PPFIA3: variants seen among roughly 807,000 people sequenced by gnomAD.
PPFIA3 encodes liprin-alpha-3.
PPFIA3 carries 26 observed loss-of-function variants against 145.8 expected under a neutral mutation model. The ratio of observed to expected loss-of-function variants is 0.18; its 90% CI spans 0.13 to 0.25. The LOEUF is 0.25. PPFIA3 is among the 10% of genes least tolerant of loss of function. The pLI is 1.00. For missense variants in PPFIA3, 1,008 were observed against 1,587.8 expected, an observed-to-expected ratio of 0.63 and a Z score of 6.21; for synonymous variants, 645 against 661.4, an observed-to-expected ratio of 0.98 and a Z score of 0.38.
chr19:49,125,879 T>C (rs1022022492), intron 1 of PPFIA3, among the ~76,000 whole-genome samples: 5 of 151,000 alleles, frequency 3.3e-5, no homozygotes, highest in African/African-American at 1.2e-4. Flanking sequence ...TTCTGGGTCG[T>C]GAAGAGGGTG....
At chr19:49,145,631 T>C in intron 21 of PPFIA3, 1 of 409,120 alleles carries the variant, frequency 2.4e-6, no homozygotes. Context: ...GCTGTGTCTG[T>C]CCCCCACTTC....
chr19:49,120,322 C>T lies in PPFIA3; in HGVS notation c.-16+600C>T, dbSNP rs1234387234. Reference sequence around the variant, plus strand: ...GACCCGGGAATACCCGGGCCCTCCCCGACCAGGGCGCCCCAGCCTCTGGGT... The same window carrying T: ...GACCCGGGAATACCCGGGCCCTCCCTGACCAGGGCGCCCCAGCCTCTGGGT... On this transcript the variant is annotated intron_variant, in intron 1 of 29. Transcript: ENST00000334186. This position sits in a 1 kb window ranked among gnomAD's most constrained non-coding sequence, Gnocchi z 4.6. 6.6e-6 allele frequency among the ~76,000 whole-genome samples: 1 copy of T among 152,154 alleles called. No individual in the cohort carries two copies. Among genetic ancestry groups the T allele is most frequent in the African/African-American group, 2.4e-5 (1 of 41,432 alleles).
intron 1 of PPFIA3, among the ~76,000 whole-genome samples, 160 bp from the exon 2 acceptor site, chr19:49,127,699 C>A (rs2122542307): frequency 6.6e-6 from 1 of 152,300 alleles, no homozygotes; most frequent in East Asian, 1.9e-4. Context: ...GTGCCTGTTT[C>A]CCTGTGTCAT....
chr19:49,139,323 C>T (rs374599801), intron 16 of PPFIA3, among the ~76,000 whole-genome samples: 1 of 111,940 alleles, frequency 8.9e-6, no homozygotes, highest in Admixed American at 9.3e-5. Context: ...GACTCTGTCT[C>T]AAAAAAAAAA....
At position 49,128,658 on chromosome 19, in the gene PPFIA3, C is replaced by T; in HGVS notation, c.342+190C>T. The T allele has an allele frequency of 2.7e-6, 2 of 750,184 alleles. No individual in the cohort carries two copies. Among genetic ancestry groups the T allele is most frequent in the South Asian group, 3.7e-5 (2 of 54,022 alleles). 46.5% of individuals were successfully genotyped at this position (750,184 alleles called of 1,614,324 possible). On this transcript the variant is annotated intron_variant, in intron 3 of 29. Transcript: ENST00000334186. The surrounding 1 kb of genome is among the most constrained non-coding windows in gnomAD (Gnocchi z 4.1). ...GGTGCCACTCCTTCCTCCCTGTCTCCATAACTTTTCTCTTTTCTGTACCAC... is the reference window on the plus strand; with the variant it reads ...GGTGCCACTCCTTCCTCCCTGTCTCTATAACTTTTCTCTTTTCTGTACCAC...
chr19:49,144,994 G>A (rs1339107845), intron 21 of PPFIA3, among the ~76,000 whole-genome samples: 4 of 148,888 alleles, frequency 2.7e-5, no homozygotes, highest in East Asian at 2.0e-4. Flanking sequence ...GCAGTGGTGC[G>A]ATCTTGGCTC....
intron 20 of PPFIA3, 73 bp downstream of exon 20, chr19:49,142,188 G>GGAGGACCAGGCA: frequency 7.2e-7 from 1 of 1,392,792 alleles, no homozygotes; most frequent in Non-Finnish European, 9.9e-7. Flanking sequence ...GGGGCTGCCT[G>GGAGGACCAGGCA]GTCCTCCTGG....
At position 49,120,040 on chromosome 19, in the gene PPFIA3, C is replaced by A. The variant is rs953966264; in HGVS notation, c.-16+318C>A. 6.6e-6 allele frequency among the ~76,000 whole-genome samples: 1 copy of A among 152,054 alleles called. No homozygotes were observed. The highest frequency in any genetic ancestry group is 1.5e-5 in the Non-Finnish European group (1 of 67,972). On this transcript the variant is annotated intron_variant, in intron 1 of 29. Coordinates refer to ENST00000334186, the MANE Select transcript of PPFIA3 (RefSeq NM_003660.4). The surrounding 1 kb of genome is among the most constrained non-coding windows in gnomAD (Gnocchi z 4.6). ...CCCTGTCCTGGGAGCTCCAGACACC[C>A]GCCGCGGCGGTGCCAGACTCCCCAG...
In PPFIA3 at chr19:49,128,783, CT is replaced by C; in HGVS notation, c.343-60del. 1 of 1,448,642 alleles carries C rather than the reference CT, an allele frequency of 6.9e-7. No homozygotes were observed. The allele number at this position is 1,448,642 out of a possible 1,614,324, so 89.7% of individuals were successfully genotyped here. The stretch of plus-strand genomic sequence containing the variant: ...CCATGTGTCCGCCCTACCTGTCACC[CT>C]TTTTCTCACATCTGCCCCTTTTCCC... On this transcript the variant is annotated intron_variant, in intron 3 of 29. Transcript: ENST00000334186. The surrounding 1 kb of genome is among the most constrained non-coding windows in gnomAD (Gnocchi z 4.1).
At position 49,146,195 on chromosome 19, in the gene PPFIA3, A is replaced by G; in HGVS notation, c.2835+3A>G. 6.2e-7 allele frequency: 1 copy of G among 1,613,846 alleles called. No homozygotes were observed. The highest frequency in any genetic ancestry group is 8.5e-7 in the Non-Finnish European group (1 of 1,179,918). On this transcript the variant is annotated splice_donor_region_variant and intron_variant, in intron 23 of 29. Coordinates refer to ENST00000334186, the MANE Select transcript of PPFIA3 (RefSeq NM_003660.4). Reference sequence around the variant, plus strand: ...CCAAGGAGATCAGCTGGGAGCAGGTAGGGGGCGCGGGGCGGGGCGTGAGCG... The same window carrying G: ...CCAAGGAGATCAGCTGGGAGCAGGTGGGGGGCGCGGGGCGGGGCGTGAGCG...
intron 21 of PPFIA3, among the ~76,000 whole-genome samples, chr19:49,143,665 G>A (rs1156535602): frequency 6.6e-6 from 1 of 152,278 alleles, no homozygotes; most frequent in East Asian, 1.9e-4. Flanking sequence ...GAGCCCCTAC[G>A]CCTGGCCCTC....
rs2041086801 is a variant in PPFIA3, at chr19:49,132,419, AAG to A, written c.880-580_880-579del. On this transcript the variant is annotated intron_variant, in intron 7 of 29. Transcript: ENST00000334186. Reference sequence around the variant, plus strand: ...AAAAAAAAAAAAAAAAAAAAAAAAAAAGAAAGAGAGAGAGAGAACCTTCATCT... The same window carrying A: ...AAAAAAAAAAAAAAAAAAAAAAAAAAAAAGAGAGAGAGAGAACCTTCATCT... 4.0e-5 allele frequency among the ~76,000 whole-genome samples: 6 copies of A among 149,852 alleles called. No homozygotes were observed. In the South Asian group the frequency reaches 6.3e-4, roughly 16 times the overall value.
At position 49,136,733 on chromosome 19, in the gene PPFIA3, C is replaced by A. The variant is rs777959324; in HGVS notation, c.1675C>A (p.Arg559=). The change falls in exon 15 of 30, where the codon CGG becomes AGG. Residue 559 remains arginine (R), a synonymous_variant. Transcript: ENST00000334186. The part of the protein sequence containing the change: ...VKEEPSKDWE[R]SAPAGSIPPP... ...CCCCACACAGGGATAGGATTGGGAG[C>A]GGTCTGCCCCTGCGGGCTCCATACC... The A allele has an allele frequency of 1.3e-6, 2 of 1,515,768 alleles. No homozygotes were observed. The highest frequency in any genetic ancestry group is 1.8e-6 in the Non-Finnish European group (2 of 1,123,550). 93.9% of individuals were successfully genotyped at this position (1,515,768 alleles called of 1,614,324 possible).
chr19:49,139,761 C>G lies in PPFIA3; in HGVS notation c.2170C>G (p.Leu724Val). The stretch of plus-strand genomic sequence containing the variant: ...ACCACCCACTCCCCGCTCTGCCCGT[C>G]TTGAGAGAATGACCCAGGCCTTGGC... ...TPPPTPRSAR[L>V]ERMTQALALQ... The change falls in exon 17 of 30, where the codon CTT becomes GTT. Residue 724 changes from leucine to valine, a missense_variant. Transcript: ENST00000334186. 6.2e-7 allele frequency: 1 copy of G among 1,614,036 alleles called. No homozygotes were observed. Among genetic ancestry groups the G allele is most frequent in the African/African-American group, 1.3e-5 (1 of 75,034 alleles).
chr19:49,138,529 T>G, intron 16 of PPFIA3, 102 bp downstream of exon 16: 6 of 1,024,020 alleles, frequency 5.9e-6, no homozygotes, highest in Non-Finnish European at 7.9e-6. Context: ...ACCAGTGGTT[T>G]TCCAAAGCAA....
In PPFIA3 at chr19:49,148,528, A is replaced by C. The variant is rs1600354622; in HGVS notation, c.3012-138A>C. ...ATTATTGAAAATGCCTCACCTCCTGAGGGGGTCAACAGTCAATAGAACTTA... is the reference window on the plus strand; with the variant it reads ...ATTATTGAAAATGCCTCACCTCCTGCGGGGGTCAACAGTCAATAGAACTTA... On this transcript the variant is annotated intron_variant, in intron 24 of 29. Transcript: ENST00000334186. The C allele has an allele frequency of 5.1e-6, 4 of 782,740 alleles. No homozygotes were observed. In the South Asian group the frequency reaches 6.9e-5, roughly 13 times the overall value. The allele number at this position is 782,740 out of a possible 1,614,324, so 48.5% of individuals were successfully genotyped here. A position where few individuals can be genotyped will look rare whatever the true frequency, so the allele number is the denominator to read the frequency against.
intron 20 of PPFIA3, 48 bp from the exon 21 acceptor site, chr19:49,142,753 TCTC>T (rs763789061): frequency 6.4e-6 from 10 of 1,559,678 alleles, no homozygotes; most frequent in East Asian, 2.3e-5. Context: ...TCTCCGATTT[TCTC>T]CTCCTCTGTC....
intron 21 of PPFIA3, among the ~76,000 whole-genome samples, chr19:49,145,208 C>T (rs1427061784): frequency 1.3e-5 from 2 of 151,904 alleles, no homozygotes; most frequent in Non-Finnish European, 2.9e-5. Flanking sequence ...CTAGACCACT[C>T]TCAGCCTAAT....
Position 49,130,491 on chromosome 19 carries a change from G to A in PPFIA3, c.771G>A (p.Ala257=), listed in dbSNP as rs1412750630. The A allele has an allele frequency of 1.2e-6, 2 of 1,601,190 alleles. No homozygotes were observed. Among genetic ancestry groups the A allele is most frequent in the East Asian group, 2.3e-5 (1 of 44,420 alleles). ...AEVCQLRERL[A]VLCRQMSQLE... is the part of the protein sequence containing the mutation. Reference sequence around the variant, plus strand: ...TGTGCCAGCTGCGGGAGCGCCTGGCGGTGCTGTGCCGTCAGATGAGCCAGC... The same window carrying A: ...TGTGCCAGCTGCGGGAGCGCCTGGCAGTGCTGTGCCGTCAGATGAGCCAGC... Residue 257 remains alanine, a synonymous_variant, in exon 7 of 30, where the codon GCG becomes GCA. Coordinates refer to ENST00000334186, the MANE Select transcript of PPFIA3 (RefSeq NM_003660.4). This position sits in a 1 kb window ranked among gnomAD's most constrained non-coding sequence, Gnocchi z 4.5.
Sources: gnomAD v4.1 joint callset for allele counts (sites outside exome capture counted in the v4.1 genomes callset) on GRCh38, gnomAD v4.1.1 for gene constraint, Gnocchi (gnomAD v3.1) non-coding constraint, MANE v1.5 for transcripts, NCBI Gene and HGNC (gene_info 2026-07-23, HGNC 2026-07-21) for gene names.